FLT3: variants seen among roughly 807,000 people sequenced by gnomAD.
FLT3 encodes the protein fms related receptor tyrosine kinase 3.
A neutral mutation model predicts 126.6 loss-of-function variants in FLT3; 46 were observed. The ratio of observed to expected loss-of-function variants is 0.36; its 90% confidence interval spans 0.29 to 0.46. The LOEUF (loss-of-function observed/expected upper bound fraction) is 0.46, where lower values mean the gene tolerates loss of function less well. Among genes scored for constraint, FLT3 ranks in the 20% least tolerant of loss-of-function variants. The probability of loss-of-function intolerance (pLI) is 1.00; values close to 1 mark genes in which losing one functional copy is unlikely to be tolerated. For synonymous variants in FLT3, 404 were observed against 434.4 expected, an observed-to-expected ratio of 0.93 and a Z score of 0.87; for missense variants, 1,069 against 1,190.3, an observed-to-expected ratio of 0.90 and a Z score of 1.50.
At position 28,014,488 on chromosome 13, in the gene FLT3, C is replaced by T. The variant is rs201025099; in HGVS notation, c.2823G>A (p.Ser941=). The T allele has an allele frequency of 2.1e-5, 34 of 1,613,878 alleles. No individual in the cohort carries two copies. The highest frequency in any genetic ancestry group is 2.0e-4 in the East Asian group (9 of 44,886). The change falls in exon 23 of 24, where the codon TCG becomes TCA. Residue 941 remains serine, a synonymous_variant. Coordinates refer to ENST00000241453, the MANE Select transcript of FLT3 (RefSeq NM_004119.3). ...RKRPSFPNLT[S]FLGCQLADAE... ...CATCTGCCAGCTGACATCCTAAAAA[C>T]GAAGTCAAATTAGGGAAGGATGGCC...
chr13:28,096,365 A>T (rs1264134915), intron 1 of FLT3, among the ~76,000 whole-genome samples: 2 of 152,018 alleles, frequency 1.3e-5, no homozygotes, highest in African/African-American at 2.4e-5. Flanking sequence ...AAAAAAATTT[A>T]AAAAGTAGTT....
At chr13:28,091,435 A>G (rs1328051415) in intron 1 of FLT3, among the ~76,000 whole-genome samples, 7 of 149,662 alleles carry the variant, frequency 4.7e-5, no homozygotes, top group Admixed American at 6.7e-5. Context: ...GTTAGCCAGG[A>G]TGGTCTCGAT....
At position 28,062,045 on chromosome 13, in the gene FLT3, C is replaced by T. The variant is rs376895552; in HGVS notation, c.190G>A (p.Gly64Arg). ...GAGCTCTGGGGTCTCAACGCACACCCGAGGTCTTCCGGGGATTCTGATACC... is the reference window on the plus strand; with the variant it reads ...GAGCTCTGGGGTCTCAACGCACACCTGAGGTCTTCCGGGGATTCTGATACC... The part of the protein sequence containing the change: ...PMVSESPEDL[G>R]CALRPQSSGT... Residue 64 changes from glycine (G) to arginine (R), a missense_variant, in exon 3 of 24, where the codon GGG becomes AGG. By Grantham distance (125) the Gly-to-Arg change is moderately radical. Coordinates refer to ENST00000241453, the MANE Select transcript of FLT3 (RefSeq NM_004119.3). 4.2e-5 allele frequency: 67 copies of T among 1,612,164 alleles called. 1 individual carries two copies. In the East Asian group the frequency reaches 9.8e-4, roughly 24 times the overall value.
chr13:28,087,158 C>T (rs894841974), intron 1 of FLT3, among the ~76,000 whole-genome samples: 9 of 152,186 alleles, frequency 5.9e-5, no homozygotes, highest in Non-Finnish European at 1.3e-4. Context: ...CAGCCTTGAA[C>T]TCCTGGGCTC....
intron 1 of FLT3, among the ~76,000 whole-genome samples, chr13:28,091,169 A>G (rs1879005405): frequency 7.5e-6 from 1 of 132,688 alleles, no homozygotes; most frequent in Admixed American, 7.7e-5. Context: ...TGAAAACTGA[A>G]TTTGAGCAAC....
intron 15 of FLT3, among the ~76,000 whole-genome samples, chr13:28,032,366 G>A (rs1873419885): frequency 6.6e-6 from 1 of 152,242 alleles, no homozygotes; most frequent in African/African-American, 2.4e-5. Flanking sequence ...AAAACGCAAG[G>A]CGGTCCAGGA....
At chr13:28,086,429 G>A (rs879635175) in intron 1 of FLT3, among the ~76,000 whole-genome samples, 2 of 151,980 alleles carry the variant, frequency 1.3e-5, no homozygotes, top group Admixed American at 6.6e-5. Flanking sequence ...GTACTTCTAC[G>A]TAAGCTATAA....
At chr13:28,090,345 C>T (rs7327609) in intron 1 of FLT3, among the ~76,000 whole-genome samples, 96,464 of 151,368 alleles carry the variant, frequency 0.64, 30,876 homozygotes, top group East Asian at 0.74. Flanking sequence ...CATGAGGGAA[C>T]TTTTAAGGGG....
intron 1 of FLT3, among the ~76,000 whole-genome samples, chr13:28,080,158 C>T (rs1406981555): frequency 2.6e-5 from 4 of 152,132 alleles, no homozygotes; most frequent in Non-Finnish European, 4.4e-5. Context: ...GGTGGATCAC[C>T]TGAGGTCAGG....
chr13:28,044,005 G>C (rs1447553610), intron 9 of FLT3, among the ~76,000 whole-genome samples: 1 of 151,482 alleles, frequency 6.6e-6, no homozygotes, highest in Non-Finnish European at 1.5e-5. Flanking sequence ...AGCTACTCGA[G>C]AGGCTGAGGC....
intron 1 of FLT3, among the ~76,000 whole-genome samples, chr13:28,091,372 C>A (rs1429731481): frequency 1.3e-5 from 2 of 149,610 alleles, no homozygotes; most frequent in East Asian, 3.9e-4. Context: ...CAGGCGCCCG[C>A]CACCACGCCC....
chr13:28,077,473 G>A (rs189162388), intron 1 of FLT3, among the ~76,000 whole-genome samples: 84 of 152,178 alleles, frequency 5.5e-4, no homozygotes, highest in Middle Eastern at 3.4e-3. Context: ...ATCAAATCTC[G>A]TGAGACTTAT....
chr13:28,056,046 T>C (rs1875970190), intron 4 of FLT3, among the ~76,000 whole-genome samples: 1 of 152,202 alleles, frequency 6.6e-6, no homozygotes, highest in Non-Finnish European at 1.5e-5. Flanking sequence ...AGCTCATGTA[T>C]ACCTTACAGG....
chr13:28,042,149 TAATAATAA>T (rs2137703048), intron 9 of FLT3, among the ~76,000 whole-genome samples: 1 of 43,794 alleles, frequency 2.3e-5, no homozygotes, highest in Non-Finnish European at 4.0e-5. Context: ...CCATCCGAAA[TAATAATAA>T]TAATAATAAT....
At chr13:28,024,966 C>A in intron 17 of FLT3, 23 bp from the exon 18 acceptor site, 1 of 1,221,284 alleles carries the variant, frequency 8.2e-7, no homozygotes, top group Non-Finnish European at 1.2e-6. Context: ...TTTGTTTTTT[C>A]ATTATTTACA....
intron 1 of FLT3, among the ~76,000 whole-genome samples, chr13:28,073,860 A>T (rs781751931): frequency 6.7e-6 from 1 of 149,948 alleles, no homozygotes; most frequent in Non-Finnish European, 1.5e-5. Context: ...GGATAGCTTG[A>T]GGCCAGGAGT....
chr13:28,023,424 C>T lies in FLT3; in HGVS notation c.2344G>A (p.Val782Met), dbSNP rs2137639856. 3 of 1,613,832 alleles carry T rather than the reference C, an allele frequency of 1.9e-6. No individual in the cohort carries two copies. The highest frequency in any genetic ancestry group is 1.1e-5 in the South Asian group (1 of 91,058). The change falls in exon 19 of 24, where the codon GTG becomes ATG. Residue 782 changes from valine to methionine, a missense_variant. Coordinates refer to ENST00000241453, the MANE Select transcript of FLT3 (RefSeq NM_004119.3). ...CAAAGAAGATCTTCAAATGTAAGCA[C>T]ATTCAAGTCCTCCTCTTCTTCCAGC... ...KRLEEEEDLN[V>M]LTFEDLLCFA...
chr13:28,069,569 T>G (rs80133999), intron 2 of FLT3, among the ~76,000 whole-genome samples: 4,194 of 152,200 alleles, frequency 0.028, 187 homozygotes, highest in African/African-American at 0.095. Flanking sequence ...GGATTCTCTT[T>G]AAGGAGAAAA....
chr13:28,053,433 G>C (rs929920587), intron 4 of FLT3, among the ~76,000 whole-genome samples: 1 of 123,224 alleles, frequency 8.1e-6, no homozygotes, highest in East Asian at 2.0e-4. Flanking sequence ...TATATGGAGT[G>C]TAAATTTCAA....
Sources: allele counts gnomAD v4.1 joint callset (sites outside exome capture counted in the v4.1 genomes callset), GRCh38; gene constraint gnomAD v4.1.1; transcripts MANE v1.5; gene names NCBI Gene and HGNC (gene_info 2026-07-23, HGNC 2026-07-21).